The following DCAKD variants were observed in gnomAD, a reference collection of about 807,000 sequenced individuals.
DCAKD encodes dephospho-CoA kinase domain containing.
A neutral mutation model predicts 18.7 loss-of-function variants in DCAKD; 15 were observed. The observed-to-expected ratio is 0.80, with a 90% CI of 0.54 to 1.24. DCAKD has a LOEUF of 1.24. Ranked by LOEUF, DCAKD falls within the 50% of genes most tolerant of loss-of-function variation. The probability of loss-of-function intolerance (pLI) is 0.00; values close to 1 mark genes in which losing one functional copy is unlikely to be tolerated. For synonymous variants in DCAKD, 130 were observed against 133.0 expected (o/e 0.98, Z 0.16); for missense variants, 301 against 322.0 (o/e 0.93, Z 0.50).
chr17:45,034,908 G>T lies in DCAKD; in HGVS notation c.-23C>A, dbSNP rs751664516. 4 of 1,611,600 alleles carry T rather than the reference G, an allele frequency of 2.5e-6. No homozygotes were observed. The highest frequency in any genetic ancestry group is 1.7e-5 in the Admixed American group (1 of 59,874). On this transcript the variant is annotated 5_prime_UTR_variant, in exon 2 of 5. Coordinates refer to ENST00000651974, the MANE Select transcript of DCAKD (RefSeq NM_001288655.2). ...CATCTTCCAGGAAAGAGAGCTGTCCGCGAGACTACGGAGCCAGGAGCTACA... is the reference window on the plus strand; with the variant it reads ...CATCTTCCAGGAAAGAGAGCTGTCCTCGAGACTACGGAGCCAGGAGCTACA...
At chr17:45,054,086 G>A (rs767288761), upstream of DCAKD, 2 of 518,804 alleles carry the variant, frequency 3.9e-6, no homozygotes, top group African/African-American at 3.9e-5. Context: ...AACAGTCAAG[G>A]AGACCTACTG....
At chr17:45,057,826 C>T (rs1351104513) in intron 1 of DCAKD, among the ~76,000 whole-genome samples, 4 of 151,412 alleles carry the variant, frequency 2.6e-5, no homozygotes, top group South Asian at 4.2e-4. Flanking sequence ...GCCTGGCCAA[C>T]GTGGTGAAAC....
At chr17:45,033,556 C>T (rs2143223488) in intron 3 of DCAKD, among the ~76,000 whole-genome samples, 1 of 152,262 alleles carries the variant, frequency 6.6e-6, no homozygotes, top group East Asian at 1.9e-4. Flanking sequence ...CCTCCACCTC[C>T]CAGGTTAAAG....
At chr17:45,060,484 C>T (rs1182027674) in intron 1 of DCAKD, among the ~76,000 whole-genome samples, 1 of 151,890 alleles carries the variant, frequency 6.6e-6, no homozygotes, top group East Asian at 1.9e-4. Context: ...GCGCTCCAGC[C>T]TGGGCGACAG....
At chr17:45,053,515 G>C (rs1445357863), upstream of DCAKD, among the ~76,000 whole-genome samples, 1 of 151,522 alleles carries the variant, frequency 6.6e-6, no homozygotes, top group South Asian at 2.1e-4. Context: ...TCTACCTCCC[G>C]GGTTCAAGCG....
chr17:45,025,312 C>T (rs1477993500), intron 4 of DCAKD, among the ~76,000 whole-genome samples: 2 of 152,146 alleles, frequency 1.3e-5, no homozygotes, highest in East Asian at 1.9e-4. Context: ...GATGGTATCT[C>T]TTGTGCTTAA....
chr17:45,047,587 C>G (rs1348977878), intron 1 of DCAKD, among the ~76,000 whole-genome samples: 1 of 148,400 alleles, frequency 6.7e-6, no homozygotes, highest in African/African-American at 2.5e-5. Flanking sequence ...CTCACTGCAA[C>G]CTCCGGCTCC....
chr17:45,032,738 G>A (rs571670426), intron 3 of DCAKD, among the ~76,000 whole-genome samples: 17 of 142,922 alleles, frequency 1.2e-4, no homozygotes, highest in Admixed American at 6.3e-4. Flanking sequence ...AGCCGAGATC[G>A]CTCCACTGCA....
At position 45,023,540 on chromosome 17, in the gene DCAKD, C is replaced by T. The variant is rs1351757407; in HGVS notation, c.*893G>A. 3 of 143,908 alleles carry T rather than the reference C, an allele frequency of 2.1e-5. No homozygotes were observed. Among genetic ancestry groups the T allele is most frequent in the African/African-American group, 7.7e-5 (3 of 39,020 alleles). The allele number at this position is 143,908 out of a possible 1,614,324, so 8.9% of individuals were successfully genotyped here. ...TAAAATGTTGAGGGGGAGTTGGTAT[C>T]CTAGACCACCTAACCCAGCCTGGGG... On this transcript the variant is annotated 3_prime_UTR_variant, in exon 5 of 5. Coordinates refer to ENST00000651974, the MANE Select transcript of DCAKD (RefSeq NM_001288655.2).
chr17:45,036,427 A>T (rs59835134), intron 1 of DCAKD, among the ~76,000 whole-genome samples: 33,446 of 152,098 alleles, frequency 0.22, 4,212 homozygotes, highest in African/African-American at 0.32. Flanking sequence ...GAGGCAGGAG[A>T]ATCGCTTGAA....
At chr17:45,041,806 T>C (rs1170102050) in intron 1 of DCAKD, among the ~76,000 whole-genome samples, 13 of 151,366 alleles carry the variant, frequency 8.6e-5, no homozygotes, top group Non-Finnish European at 1.5e-5. Flanking sequence ...GTGGTGGTGG[T>C]AAGTGGGTAA....
chr17:45,034,967 G>A lies in DCAKD; in HGVS notation c.-82C>T. On this transcript the variant is annotated 5_prime_UTR_variant, in exon 2 of 5. Coordinates refer to ENST00000651974, the MANE Select transcript of DCAKD (RefSeq NM_001288655.2). ...GGAGAGCAGGGCAAGTGTGGCCGAT[G>A]GGGGCGGTCCACCAGAGGAGTGCCA... 1.4e-6 allele frequency: 2 copies of A among 1,460,368 alleles called. No individual in the cohort carries two copies. The highest frequency in any genetic ancestry group is 2.4e-5 in the South Asian group (2 of 83,160). The allele number at this position is 1,460,368 out of a possible 1,614,324, so 90.5% of individuals were successfully genotyped here.
intron 3 of DCAKD, 68 bp from the exon 4 acceptor site, chr17:45,030,247 G>A: frequency 2.1e-6 from 3 of 1,447,260 alleles, no homozygotes; most frequent in South Asian, 1.1e-5. Flanking sequence ...ATGATATGCT[G>A]GGCCCCACCG....
intron 4 of DCAKD, chr17:45,026,520 TG>T: frequency 1.2e-6 from 1 of 844,882 alleles, no homozygotes; most frequent in Non-Finnish European, 1.4e-6. Flanking sequence ...CCACCGCGCC[TG>T]GCTTTTTTAT....
chr17:45,055,361 CGTTT>C (rs1431274277), upstream of DCAKD, among the ~76,000 whole-genome samples: 9 of 121,530 alleles, frequency 7.4e-5, no homozygotes, highest in Admixed American at 9.2e-5. Context: ...ATTTTCTGTA[CGTTT>C]ATTTATTTAT....
At chr17:45,035,480 TAAAAAAAAAAAAAAA>T (rs35837364) in intron 1 of DCAKD, among the ~76,000 whole-genome samples, 2 of 86,952 alleles carry the variant, frequency 2.3e-5, no homozygotes, top group Non-Finnish European at 4.3e-5. Context: ...AGATTCCTTC[TAAAAAAAAAAAAAAA>T]AAAAAAAGCA....
At chr17:45,044,682 A>G (rs1370630857) in intron 1 of DCAKD, among the ~76,000 whole-genome samples, 1 of 125,040 alleles carries the variant, frequency 8.0e-6, no homozygotes, top group Non-Finnish European at 1.6e-5. Flanking sequence ...ACAGAGAGAG[A>G]CTCCATCAAT....
At chr17:45,055,865 T>A (rs1249489645), upstream of DCAKD, among the ~76,000 whole-genome samples, 1 of 151,948 alleles carries the variant, frequency 6.6e-6, no homozygotes, top group African/African-American at 2.4e-5. Context: ...AGAAGAAAGG[T>A]TATATGTGGC....
intron 4 of DCAKD, 100 bp from the exon 5 acceptor site, chr17:45,024,824 T>G: frequency 7.2e-7 from 1 of 1,396,426 alleles, no homozygotes; most frequent in Non-Finnish European, 9.5e-7. Context: ...ACAGAGAGCA[T>G]GGGGACTGGA....
Sources: gnomAD v4.1 joint callset for allele counts (sites outside exome capture counted in the v4.1 genomes callset) on GRCh38, gnomAD v4.1.1 for gene constraint, MANE v1.5 for transcripts, NCBI Gene and HGNC (gene_info 2026-07-23, HGNC 2026-07-21) for gene names.